The following PPP2R2B variants were observed in gnomAD, a reference collection of about 807,000 sequenced individuals.
PPP2R2B encodes protein phosphatase 2 regulatory subunit Bbeta.
Under a neutral mutation model 46.0 loss-of-function variants are expected in PPP2R2B, and 5 were observed. That is an observed-to-expected ratio of 0.11 (90% CI 0.06 to 0.23). The LOEUF (loss-of-function observed/expected upper bound fraction) is 0.23, where lower values mean the gene tolerates loss of function less well. PPP2R2B is among the 10% of genes least tolerant of loss of function. The pLI, the probability that PPP2R2B is intolerant of heterozygous loss-of-function variation, is 1.00. For missense variants in PPP2R2B, 367 were observed against 575.0 expected (o/e 0.64, Z 3.70); for synonymous variants, 215 against 206.7 (o/e 1.04, Z -0.34).
chr5:146,742,810 A>T (rs1364100901), intron 2 of PPP2R2B, among the ~76,000 whole-genome samples: 1 of 152,094 alleles, frequency 6.6e-6, no homozygotes, highest in Non-Finnish European at 1.5e-5. Context: ...TGTCCTTATA[A>T]AAAGGGGAAA....
At chr5:146,645,540 C>T (rs527239355) in intron 6 of PPP2R2B, among the ~76,000 whole-genome samples, 2 of 152,270 alleles carry the variant, frequency 1.3e-5, no homozygotes, top group African/African-American at 2.4e-5. Flanking sequence ...CCCTGGAAGC[C>T]TGCCTGGCAG....
intron 2 of PPP2R2B, among the ~76,000 whole-genome samples, chr5:146,838,174 T>C (rs1370409865): frequency 6.6e-6 from 1 of 152,244 alleles, no homozygotes; most frequent in Admixed American, 6.5e-5. Flanking sequence ...ATATAGTCTC[T>C]AATACTTATA....
chr5:146,747,624 A>C (rs1011740913), intron 2 of PPP2R2B, among the ~76,000 whole-genome samples: 7 of 152,198 alleles, frequency 4.6e-5, no homozygotes, highest in African/African-American at 1.4e-4. Flanking sequence ...ACTGCATCAA[A>C]ATCAATGTGG....
At chr5:146,600,193 T>A in intron 8 of PPP2R2B, 98 bp downstream of exon 8, 1 of 1,314,034 alleles carries the variant, frequency 7.6e-7, no homozygotes, top group Non-Finnish European at 1.1e-6. Context: ...TGCATTGCCT[T>A]CCATTTTGCT....
intron 2 of PPP2R2B, among the ~76,000 whole-genome samples, chr5:146,825,431 C>G (rs529958129): frequency 2.0e-5 from 3 of 152,204 alleles, no homozygotes; most frequent in Non-Finnish European, 4.4e-5. Flanking sequence ...AATAAAGTAT[C>G]TCTTTTTACT....
At chr5:146,947,102 C>T (rs1042857627) in intron 1 of PPP2R2B, among the ~76,000 whole-genome samples, 24 of 152,098 alleles carry the variant, frequency 1.6e-4, no homozygotes, top group Non-Finnish European at 3.4e-4. Flanking sequence ...CATTACTAAA[C>T]GTTTAGGGAA....
rs1017382063 is a variant in PPP2R2B at position 146,663,819 on chromosome 5, ATTTAT to A, written c.448-13100_448-13096del. Among the ~76,000 whole-genome samples, 4 of 151,924 alleles carry A rather than the reference ATTTAT, an allele frequency of 2.6e-5. No homozygotes were observed. The East Asian group carries it at 5.8e-4, about 22-fold the overall frequency. On this transcript the variant is annotated intron_variant, in intron 5 of 9. Coordinates refer to ENST00000394411, the MANE Select transcript of PPP2R2B (RefSeq NM_181675.4). Reference sequence around the variant, plus strand: ...GCTGAAGGTTGAGGTGGCTGTTGCAATTTATTTTATTTTATTATTTATTTATTTAT... The same window carrying A: ...GCTGAAGGTTGAGGTGGCTGTTGCAATTTATTTTATTATTTATTTATTTAT...
chr5:146,734,596 C>T (rs1044569590), intron 2 of PPP2R2B, among the ~76,000 whole-genome samples: 1 of 152,100 alleles, frequency 6.6e-6, no homozygotes, highest in Non-Finnish European at 1.5e-5. Flanking sequence ...AGTATTACCC[C>T]TCATCCTGGC....
chr5:146,945,860 C>T lies in PPP2R2B; in HGVS notation c.79+109805G>A, dbSNP rs190609600. Among the ~76,000 whole-genome samples the T allele has an allele frequency of 1.3e-3, 191 of 152,244 alleles. 1 individual carries two copies. The highest frequency in any genetic ancestry group is 4.0e-3 in the African/African-American group (165 of 41,558). On this transcript the variant is annotated intron_variant, in intron 1 of 8. Transcript: ENST00000336640. ...TTGTTTCCAAGAATGAGCTGAGACA[C>T]GTGTCAGATCTTTCTAATAGCCAGG... is the stretch of plus-strand genomic sequence containing the variant.
chr5:146,698,642 AGGGTGG>A (rs1779350786), intron 3 of PPP2R2B, among the ~76,000 whole-genome samples: 1 of 151,860 alleles, frequency 6.6e-6, no homozygotes. Flanking sequence ...TCTCTGAGGT[AGGGTGG>A]GGCAAGGAAA....
At chr5:146,748,397 C>A (rs965606184) in intron 2 of PPP2R2B, among the ~76,000 whole-genome samples, 1 of 152,170 alleles carries the variant, frequency 6.6e-6, no homozygotes, top group African/African-American at 2.4e-5. Context: ...TATATCACAG[C>A]CAGGATCTGA....
chr5:146,780,054 G>A (rs1421903793), intron 2 of PPP2R2B, among the ~76,000 whole-genome samples: 1 of 152,142 alleles, frequency 6.6e-6, no homozygotes, highest in African/African-American at 2.4e-5. Context: ...AAACAATGAT[G>A]TAACGTGGGG....
At chr5:146,902,314 C>T (rs1282782367) in intron 1 of PPP2R2B, among the ~76,000 whole-genome samples, 2 of 152,160 alleles carry the variant, frequency 1.3e-5, no homozygotes, top group Non-Finnish European at 2.9e-5. Context: ...TCCTCACCCA[C>T]ACACCCACAC....
chr5:146,687,981 G>C (rs766477833), intron 5 of PPP2R2B, among the ~76,000 whole-genome samples: 54 of 152,170 alleles, frequency 3.5e-4, no homozygotes, highest in Admixed American at 2.4e-3. Flanking sequence ...GAGCGTGTTA[G>C]TAAATTATAG....
At chr5:146,639,491 G>A (rs994576272) in intron 6 of PPP2R2B, among the ~76,000 whole-genome samples, 2 of 152,124 alleles carry the variant, frequency 1.3e-5, no homozygotes, top group East Asian at 3.9e-4. Context: ...GTGAAGGAGT[G>A]GGTTTGTACA....
intron 6 of PPP2R2B, among the ~76,000 whole-genome samples, chr5:146,640,790 C>T (rs754340244): frequency 1.1e-4 from 17 of 152,178 alleles, no homozygotes; most frequent in Non-Finnish European, 1.5e-4. Context: ...AGTGCCTAAA[C>T]ATGTCTATGA....
intron 2 of PPP2R2B, among the ~76,000 whole-genome samples, chr5:146,831,498 CAAAAA>C (rs34975709): frequency 1.5e-4 from 8 of 54,946 alleles, no homozygotes; most frequent in Admixed American, 2.9e-4. Context: ...CTCCATCTCT[CAAAAA>C]AAAAAAAAAA....
chr5:147,017,939 A>G (rs1755081265), intron 1 of PPP2R2B, among the ~76,000 whole-genome samples: 1 of 152,084 alleles, frequency 6.6e-6, no homozygotes, highest in African/African-American at 2.4e-5. Context: ...TTAAGGCTCA[A>G]GATAAGTTAG....
At chr5:146,713,213 A>G (rs551052437) in intron 2 of PPP2R2B, among the ~76,000 whole-genome samples, 1 of 152,262 alleles carries the variant, frequency 6.6e-6, no homozygotes, top group African/African-American at 2.4e-5. Flanking sequence ...GAGTGTTCCA[A>G]AGAGATGAAA....
Sources: allele counts gnomAD v4.1 joint callset (sites outside exome capture counted in the v4.1 genomes callset), GRCh38; gene constraint gnomAD v4.1.1; transcripts MANE v1.5; gene names NCBI Gene and HGNC (gene_info 2026-07-23, HGNC 2026-07-21).